ACAD10: variants seen among roughly 807,000 people sequenced by gnomAD.
ACAD10 encodes acyl-CoA dehydrogenase family member 10.
ACAD10 carries 112 observed loss-of-function variants against 116.8 expected under a neutral mutation model. That is an observed-to-expected ratio of 0.96 (90% CI 0.82 to 1.12). The LOEUF is 1.12. Ranked by LOEUF, ACAD10 falls within the 50% of genes most tolerant of loss-of-function variation. ACAD10 has a pLI of 0.00. For missense variants in ACAD10, 1,259 were observed against 1,350.2 expected, an observed-to-expected ratio of 0.93 and a Z score of 1.06; for synonymous variants, 486 against 510.6, an observed-to-expected ratio of 0.95 and a Z score of 0.65.
At chr12:111,755,138 G>A (rs76051881) in intron 19 of ACAD10, among the ~76,000 whole-genome samples, 5 of 152,028 alleles carry the variant, frequency 3.3e-5, no homozygotes, top group African/African-American at 1.2e-4. Flanking sequence ...AGTCTCACTC[G>A]GTGGCCCAGG....
At chr12:111,703,416 A>G (rs1420802863) in intron 3 of ACAD10, among the ~76,000 whole-genome samples, 3 of 152,204 alleles carry the variant, frequency 2.0e-5, no homozygotes, top group Non-Finnish European at 2.9e-5. Flanking sequence ...CTCTTTATAT[A>G]ACTCATGTAA....
At chr12:111,724,469 G>A (rs961692392) in intron 8 of ACAD10, among the ~76,000 whole-genome samples, 27 of 152,190 alleles carry the variant, frequency 1.8e-4, no homozygotes, top group African/African-American at 6.3e-4. Context: ...GGAGGTGGAG[G>A]TTGTAGCGAG....
chr12:111,700,482 T>C (rs1042236836), intron 2 of ACAD10, among the ~76,000 whole-genome samples: 6 of 152,134 alleles, frequency 3.9e-5, no homozygotes, highest in Non-Finnish European at 5.9e-5. Context: ...TTGACAGAAA[T>C]TATCAAATTG....
At chr12:111,707,728 A>G (rs1040967061) in intron 4 of ACAD10, among the ~76,000 whole-genome samples, 1 of 152,220 alleles carries the variant, frequency 6.6e-6, no homozygotes, top group Non-Finnish European at 1.5e-5. Context: ...GCTGGACTCC[A>G]GGAAGTGGCA....
chr12:111,748,736 A>G, intron 17 of ACAD10: 1 of 568,254 alleles, frequency 1.8e-6, no homozygotes, highest in Non-Finnish European at 3.1e-6. Flanking sequence ...GAAGCCATAC[A>G]GGGCAGACGC....
rs754120077 is a variant in ACAD10, at chr12:111,748,481, A to T, written c.2644+6A>T. On this transcript the variant is annotated splice_donor_region_variant and intron_variant, in intron 17 of 20. Transcript: ENST00000313698. ...TGGACTGGAAGATGCACCAGGTGAG[A>T]CCTCCAGGGGCGGGTCACCCCTGGG... The T allele has an allele frequency of 6.2e-7, 1 of 1,612,592 alleles. No homozygotes were observed. Among genetic ancestry groups the T allele is most frequent in the Admixed American group, 1.7e-5 (1 of 60,000 alleles).
Position 111,714,798 on chromosome 12 carries a change from C to T in ACAD10, c.851-1023C>T, listed in dbSNP as rs150082506. 5.2e-3 allele frequency among the ~76,000 whole-genome samples: 787 copies of T among 152,150 alleles called. 8 individuals are homozygous for T. Among genetic ancestry groups the T allele is most frequent in the African/African-American group, 0.018 (759 of 41,536 alleles). On this transcript the variant is annotated intron_variant, in intron 6 of 20. Coordinates refer to ENST00000313698, the MANE Select transcript of ACAD10 (RefSeq NM_025247.6). ...CATGATCTCAGCTCACTGCAACCTCCGCCTCTTGGGTTCTAGTGATTCTCC... is the reference window on the plus strand; with the variant it reads ...CATGATCTCAGCTCACTGCAACCTCTGCCTCTTGGGTTCTAGTGATTCTCC...
chr12:111,706,725 A>G (rs1426255012), intron 4 of ACAD10, among the ~76,000 whole-genome samples: 1 of 150,074 alleles, frequency 6.7e-6, no homozygotes, highest in Non-Finnish European at 1.5e-5. Flanking sequence ...TGCTGGGATT[A>G]CAAGTATGAG....
chr12:111,748,408 T>C lies in ACAD10; in HGVS notation c.2577T>C (p.Val859=), dbSNP rs777906840. Residue 859 remains valine, a synonymous_variant, in exon 17 of 21, where the codon GTT becomes GTC. Transcript: ENST00000313698. The part of the protein sequence containing the change: ...PRHRQQSVLL[V]PMDTPGIKII... ...ACCGGCAGCAGTCTGTGCTCTTGGT[T>C]CCCATGGATACCCCAGGGATAAAAA... 6.2e-6 allele frequency: 10 copies of C among 1,614,008 alleles called. No individual in the cohort carries two copies. In the African/African-American group the frequency reaches 1.2e-4, roughly 19 times the overall value.
rs773864459 is a variant in ACAD10, at chr12:111,748,395, C to CTG, written c.2567_2568dup (p.Leu857CysfsTer11). 1 of 1,614,182 alleles carries CTG rather than the reference C, an allele frequency of 6.2e-7. No individual in the cohort carries two copies. Among genetic ancestry groups the CTG allele is most frequent in the African/African-American group, 1.3e-5 (1 of 75,044 alleles). On this transcript the variant is annotated frameshift_variant, in exon 17 of 21. Coordinates refer to ENST00000313698, the MANE Select transcript of ACAD10 (RefSeq NM_025247.6). LOFTEE classifies it high-confidence loss of function. ...CATGCACCAAGACACCGGCAGCAGT[C>CTG]TGTGCTCTTGGTTCCCATGGATACC...
rs779538803 is a variant in ACAD10 at position 111,712,643 on chromosome 12, G to A, written c.836G>A (p.Gly279Asp). The change falls in exon 6 of 21, where the codon GGT (glycine) becomes GAT (aspartate). Residue 279 changes from glycine to aspartate, a missense_variant. Coordinates refer to ENST00000313698, the MANE Select transcript of ACAD10 (RefSeq NM_025247.6). ...CAGAAGTACCTCAAAGACTTACTGG[G>A]TATCCAGACCACAGGTATGTGGGCT... ...SLQKYLKDLL[G>D]IQTTGPLELL... 6.2e-7 allele frequency: 1 copy of A among 1,614,078 alleles called. No homozygotes were observed. Among genetic ancestry groups the A allele is most frequent in the East Asian group, 2.2e-5 (1 of 44,878 alleles).
chr12:111,717,297 G>A (rs918888873), intron 7 of ACAD10, among the ~76,000 whole-genome samples: 1 of 147,842 alleles, frequency 6.8e-6, no homozygotes, highest in African/African-American at 2.5e-5. Context: ...AGCAGAGGTT[G>A]TAGTGAGCTG....
intron 8 of ACAD10, among the ~76,000 whole-genome samples, chr12:111,724,009 C>T (rs935674263): frequency 1.3e-5 from 2 of 151,158 alleles, no homozygotes; most frequent in African/African-American, 4.9e-5. Flanking sequence ...CAGAGACGCT[C>T]CTCACTTCCT....
intron 3 of ACAD10, among the ~76,000 whole-genome samples, chr12:111,704,299 C>T (rs1304006113): frequency 6.6e-6 from 1 of 151,614 alleles, no homozygotes; most frequent in East Asian, 1.9e-4. Context: ...GTGCCACCAG[C>T]TCCAGCCAAT....
intron 5 of ACAD10, among the ~76,000 whole-genome samples, chr12:111,711,592 T>A (rs1436318115): frequency 6.7e-6 from 1 of 149,516 alleles, no homozygotes; most frequent in Non-Finnish European, 1.5e-5. Context: ...TGGTCCTATC[T>A]TGGCTCACTG....
At chr12:111,696,788 A>G (rs535133348) in intron 2 of ACAD10, among the ~76,000 whole-genome samples, 1 of 152,262 alleles carries the variant, frequency 6.6e-6, no homozygotes, top group African/African-American at 2.4e-5. Flanking sequence ...AAACACTTTA[A>G]GATTGAATTT....
chr12:111,723,202 C>T (rs1390133266), intron 8 of ACAD10, among the ~76,000 whole-genome samples: 7 of 141,042 alleles, frequency 5.0e-5, no homozygotes, highest in African/African-American at 1.8e-4. Flanking sequence ...GCTGACCCCC[C>T]CTCCTCCCTC....
chr12:111,733,826 G>T (rs974419390), intron 10 of ACAD10, 97 bp from the exon 11 acceptor site: 1 of 1,493,466 alleles, frequency 6.7e-7, no homozygotes, highest in Non-Finnish European at 9.2e-7. Flanking sequence ...GGATGGGAGG[G>T]TGGGGAGCCA....
At chr12:111,701,372 T>C (rs1379954199) in intron 2 of ACAD10, among the ~76,000 whole-genome samples, 2 of 151,950 alleles carry the variant, frequency 1.3e-5, no homozygotes. Flanking sequence ...AATTTCCTTC[T>C]TGGCCAGGCA....
Sources: gnomAD v4.1 joint callset for allele counts (sites outside exome capture counted in the v4.1 genomes callset) on GRCh38, gnomAD v4.1.1 for gene constraint, MANE v1.5 for transcripts, NCBI Gene and HGNC (gene_info 2026-07-23, HGNC 2026-07-21) for gene names.